NOVA1: variants seen among roughly 807,000 people sequenced by gnomAD.
NOVA1 encodes the protein NOVA alternative splicing regulator 1, also known as RNA-binding protein Nova-1.
In NOVA1, 7 loss-of-function variants were observed where a neutral mutation model predicts 38.0. The ratio of observed to expected loss-of-function variants is 0.18; its 90% CI spans 0.10 to 0.35. The LOEUF (loss-of-function observed/expected upper bound fraction) is 0.35, where lower values mean the gene tolerates loss of function less well. Among genes scored for constraint, NOVA1 ranks in the 10% least tolerant of loss-of-function variants. The pLI, the probability that NOVA1 is intolerant of heterozygous loss-of-function variation, is 1.00. For missense variants in NOVA1, 460 were observed against 616.0 expected (o/e 0.75, Z 2.68); for synonymous variants, 270 against 232.5 (o/e 1.16, Z -1.47).
At chr14:26,583,216 T>G in intron 2 of NOVA1, among the ~76,000 whole-genome samples, 1 of 151,688 alleles carries the variant, frequency 6.6e-6, no homozygotes, top group East Asian at 1.9e-4. Flanking sequence ...TAAATTCAAA[T>G]AAATATTATT....
chr14:26,563,877 T>G (rs1384077405), intron 2 of NOVA1, among the ~76,000 whole-genome samples: 1 of 152,092 alleles, frequency 6.6e-6, no homozygotes, highest in Non-Finnish European at 1.5e-5. Context: ...TACAAAAAAC[T>G]CAAATAACTT....
chr14:26,502,185 C>T (rs1486233575), intron 2 of NOVA1, among the ~76,000 whole-genome samples: 2 of 151,604 alleles, frequency 1.3e-5, no homozygotes, highest in Admixed American at 6.6e-5. Flanking sequence ...TTTACAGACC[C>T]TGATGTTGGA....
At chr14:26,519,805 G>T (rs1261206787) in intron 2 of NOVA1, among the ~76,000 whole-genome samples, 1 of 151,984 alleles carries the variant, frequency 6.6e-6, no homozygotes. Context: ...ATATAAGAGA[G>T]AAAAATAAAT....
intron 2 of NOVA1, among the ~76,000 whole-genome samples, chr14:26,594,788 A>G (rs1236214458): frequency 6.8e-6 from 1 of 146,368 alleles, no homozygotes; most frequent in Non-Finnish European, 1.5e-5. Context: ...CACTGTCAAC[A>G]TATTTAATCA....
intron 2 of NOVA1, among the ~76,000 whole-genome samples, chr14:26,527,492 A>G (rs1253880403): frequency 1.3e-5 from 2 of 152,074 alleles, no homozygotes; most frequent in Non-Finnish European, 2.9e-5. Context: ...TACCGCCAAA[A>G]ACAAAACAAA....
Position 26,482,007 on chromosome 14 carries a change from A to AAAAC in NOVA1, c.281-1865_281-1864insGTTT, listed in dbSNP as rs1343205911. On this transcript the variant is annotated intron_variant, in intron 2 of 4. Coordinates refer to ENST00000539517, the MANE Select transcript of NOVA1 (RefSeq NM_002515.3). ...TAGAGATAAAAAAAAAAAAAAAAAA[A>AAAAC]AAAAAAACATGGCTCTAAATAACTA... Among the ~76,000 whole-genome samples, 5 of 143,334 alleles carry AAAAC rather than the reference A, an allele frequency of 3.5e-5. No homozygotes were observed. The East Asian group carries it at 8.1e-4, about 23-fold the overall frequency. The allele number at this position is 143,334 out of a possible 152,430, so 94.0% of individuals were successfully genotyped here.
At chr14:26,480,547 T>C (rs934486846) in intron 2 of NOVA1, among the ~76,000 whole-genome samples, 4 of 152,128 alleles carry the variant, frequency 2.6e-5, no homozygotes, top group Admixed American at 6.6e-5. Context: ...AACCAGAGAA[T>C]TGTAGGACAT....
chr14:26,516,112 T>C (rs888142713), intron 2 of NOVA1, among the ~76,000 whole-genome samples: 2 of 152,162 alleles, frequency 1.3e-5, no homozygotes, highest in Non-Finnish European at 2.9e-5. Context: ...GGTATCATGT[T>C]ATGGTTTTAA....
chr14:26,575,059 C>T (rs1428215706), intron 2 of NOVA1, among the ~76,000 whole-genome samples: 1 of 152,148 alleles, frequency 6.6e-6, no homozygotes, highest in Non-Finnish European at 1.5e-5. Context: ...ACACGTACTA[C>T]TGTTTAGGAG....
intron 2 of NOVA1, among the ~76,000 whole-genome samples, chr14:26,545,321 C>T (rs1398310532): frequency 6.6e-6 from 1 of 151,924 alleles, no homozygotes; most frequent in Non-Finnish European, 1.5e-5. Flanking sequence ...AAAGCAAAGC[C>T]TGACAGATGA....
intron 4 of NOVA1, among the ~76,000 whole-genome samples, chr14:26,454,741 T>G (rs1883014142): frequency 6.6e-6 from 1 of 152,202 alleles, no homozygotes; most frequent in East Asian, 1.9e-4. Flanking sequence ...TTTTATCTCT[T>G]AAACTTAATA....
In NOVA1 at chr14:26,597,732, G is replaced by A; in HGVS notation, c.-296C>T. 1.9e-6 allele frequency: 2 copies of A among 1,074,730 alleles called. No homozygotes were observed. The highest frequency in any genetic ancestry group is 4.6e-5 in the South Asian group (1 of 21,842). The allele number at this position is 1,074,730 out of a possible 1,614,324, so 66.6% of individuals were successfully genotyped here. On this transcript the variant is annotated 5_prime_UTR_variant, in exon 1 of 5. Coordinates refer to ENST00000539517, the MANE Select transcript of NOVA1 (RefSeq NM_002515.3). ...AAAGAAGAAGAAGAAAGGAGACAGG[G>A]GGAGAGAGTGGAGAAGGGAGAGGGG... is the stretch of plus-strand genomic sequence containing the variant.
At chr14:26,502,793 T>C (rs1036791088) in intron 2 of NOVA1, among the ~76,000 whole-genome samples, 4 of 152,028 alleles carry the variant, frequency 2.6e-5, no homozygotes, top group African/African-American at 7.2e-5. Context: ...AAATGTGCCA[T>C]TGTTTTCTCA....
At chr14:26,501,019 A>C (rs1011601530) in intron 2 of NOVA1, among the ~76,000 whole-genome samples, 9 of 151,996 alleles carry the variant, frequency 5.9e-5, no homozygotes, top group Non-Finnish European at 1.2e-4. Context: ...TTTTATCAAC[A>C]AACTTATGTA....
At chr14:26,566,291 TTTA>T (rs1386896154) in intron 2 of NOVA1, among the ~76,000 whole-genome samples, 1 of 152,158 alleles carries the variant, frequency 6.6e-6, no homozygotes, top group African/African-American at 2.4e-5. Flanking sequence ...TTCGTTTTAA[TTTA>T]TTGTCATCAA....
At chr14:26,548,382 A>G (rs1331750970) in intron 2 of NOVA1, among the ~76,000 whole-genome samples, 1 of 152,104 alleles carries the variant, frequency 6.6e-6, no homozygotes. Flanking sequence ...AAACATAGAT[A>G]TGTGCACATT....
chr14:26,479,338 T>G (rs1382338421), intron 3 of NOVA1: 1 of 152,074 alleles, frequency 6.6e-6, no homozygotes, highest in Non-Finnish European at 1.5e-5. Context: ...TTATTCAATC[T>G]TAAAAACTCA....
chr14:26,456,602 T>A (rs1175461513), intron 4 of NOVA1, among the ~76,000 whole-genome samples: 3 of 151,974 alleles, frequency 2.0e-5, no homozygotes, highest in African/African-American at 7.2e-5. Context: ...GGGGGTAAAC[T>A]ATTATCTTTT....
At chr14:26,595,832 T>C (rs555964648) in intron 1 of NOVA1, 1 of 342,718 alleles carries the variant, frequency 2.9e-6, no homozygotes, top group South Asian at 3.3e-5. Flanking sequence ...GATGACTAAA[T>C]TCCAGTTGTT....
Sources: gnomAD v4.1 joint callset for allele counts (sites outside exome capture counted in the v4.1 genomes callset) on GRCh38, gnomAD v4.1.1 for gene constraint, MANE v1.5 for transcripts, NCBI Gene and HGNC (gene_info 2026-07-23, HGNC 2026-07-21) for gene names.